PATJ: variants seen among roughly 807,000 people sequenced by gnomAD.
PATJ encodes the protein PATJ crumbs cell polarity complex component.
A neutral mutation model predicts 224.9 loss-of-function variants in PATJ; 190 were observed. That is an observed-to-expected ratio of 0.84 (90% CI 0.75 to 0.95). The LOEUF (loss-of-function observed/expected upper bound fraction) is 0.95. Among genes scored for constraint, PATJ ranks in the 40% least tolerant of loss-of-function variants. PATJ has a pLI of 0.00. For missense variants in PATJ, 2,121 were observed against 2,270.3 expected (o/e 0.93, Z 1.34); for synonymous variants, 769 against 820.3 (o/e 0.94, Z 1.07).
chr1:62,067,574 T>C (rs1020099180), intron 31 of PATJ, among the ~76,000 whole-genome samples: 1 of 152,208 alleles, frequency 6.6e-6, no homozygotes, highest in Non-Finnish European at 1.5e-5. Context: ...AGAGTTACTA[T>C]GGCCTACATG....
chr1:62,058,637 T>C (rs747815639), intron 31 of PATJ, among the ~76,000 whole-genome samples: 1 of 152,230 alleles, frequency 6.6e-6, no homozygotes, highest in Non-Finnish European at 1.5e-5. Flanking sequence ...GTGAAATTTC[T>C]GACACAGCAC....
At chr1:62,037,501 A>G (rs192231383) in intron 29 of PATJ, among the ~76,000 whole-genome samples, 15 of 152,248 alleles carry the variant, frequency 9.9e-5, no homozygotes, top group African/African-American at 3.6e-4. Context: ...TTGCAGCCCT[A>G]TTGTAGACAC....
chr1:61,782,687 A>G (rs1290927332), intron 7 of PATJ, among the ~76,000 whole-genome samples: 1 of 152,216 alleles, frequency 6.6e-6, no homozygotes. Flanking sequence ...TTAAAAGGGT[A>G]GCTAAAAGGC....
chr1:62,097,430 A>G (rs1450989134), intron 33 of PATJ, among the ~76,000 whole-genome samples: 1 of 152,226 alleles, frequency 6.6e-6, no homozygotes, highest in Admixed American at 6.5e-5. Context: ...CTTGGTCTCA[A>G]GAGGCCTTGC....
intron 43 of PATJ, among the ~76,000 whole-genome samples, chr1:62,156,791 C>T (rs1373003311): frequency 6.6e-6 from 1 of 151,374 alleles, no homozygotes; most frequent in Non-Finnish European, 1.5e-5. Context: ...TGGCACACAT[C>T]TGTGGTCCCA....
At chr1:61,792,820 G>A (rs1406570090) in intron 9 of PATJ, among the ~76,000 whole-genome samples, 2 of 152,116 alleles carry the variant, frequency 1.3e-5, no homozygotes, top group East Asian at 1.9e-4. Context: ...ATGAGCCACC[G>A]TGCCTGACCC....
intron 27 of PATJ, among the ~76,000 whole-genome samples, chr1:61,936,000 TA>T (rs959318696): frequency 4.0e-5 from 6 of 151,780 alleles, no homozygotes; most frequent in African/African-American, 1.2e-4. Context: ...GGGATAACTT[TA>T]AAAAAAATAA....
chr1:61,864,541 G>C lies in PATJ; in HGVS notation c.2743G>C (p.Asp915His). ...ELHFGTQWLHDNEPSESQEAR... is the reference protein window; with the variant it reads ...ELHFGTQWLHHNEPSESQEAR... ...TCACTTTGGTACACAGTGGTTGCATGATAATGAACCATCCGAGTCTCAAGA... is the reference window on the plus strand; with the variant it reads ...TCACTTTGGTACACAGTGGTTGCATCATAATGAACCATCCGAGTCTCAAGA... The change falls in exon 20 of 44, where the codon GAT (aspartate) becomes CAT (histidine). Residue 915 changes from aspartate to histidine, a missense_variant. By Grantham distance (81) the Asp-to-His change is moderately conservative. Transcript: ENST00000642238. 1 of 1,613,484 alleles carries C rather than the reference G, an allele frequency of 6.2e-7. No individual in the cohort carries two copies. Among genetic ancestry groups the C allele is most frequent in the Non-Finnish European group, 8.5e-7 (1 of 1,179,724 alleles).
At position 62,086,295 on chromosome 1, in the gene PATJ, CA is replaced by C. The variant is rs1659973161; in HGVS notation, c.4377+1651del. On this transcript the variant is annotated intron_variant, in intron 33 of 43. Coordinates refer to ENST00000642238, the MANE Select transcript of PATJ (RefSeq NM_001350145.3). This position sits in a 1 kb window ranked among gnomAD's most constrained non-coding sequence, Gnocchi z 4.0. ...CATATTATACAAAGTTAAATTGATA[CA>C]AAAGGAAAATTGTGTGTGTGTGTAT... is the stretch of plus-strand genomic sequence containing the variant. 6.7e-6 allele frequency among the ~76,000 whole-genome samples: 1 copy of C among 148,662 alleles called. No homozygotes were observed. Among genetic ancestry groups the C allele is most frequent in the African/African-American group, 2.6e-5 (1 of 39,154 alleles).
intron 15 of PATJ, among the ~76,000 whole-genome samples, chr1:61,824,356 C>T (rs1375051982): frequency 1.3e-5 from 2 of 150,618 alleles, no homozygotes; most frequent in South Asian, 2.1e-4. Context: ...TGAGCCACTG[C>T]ACCCGGTCCA....
Position 61,765,223 on chromosome 1 carries a change from T to G in PATJ, c.190-1056T>G, listed in dbSNP as rs1052433356. ...CCAAGTAGCTGGGCCTACAGGCATG[T>G]GACACCATGCCCAGCTAATTTTTGT... On this transcript the variant is annotated intron_variant, in intron 3 of 43. Coordinates refer to ENST00000642238, the MANE Select transcript of PATJ (RefSeq NM_001350145.3). 2.6e-5 allele frequency among the ~76,000 whole-genome samples: 4 copies of G among 151,406 alleles called. No individual in the cohort carries two copies. The Admixed American group carries it at 2.6e-4, about 10-fold the overall frequency.
At chr1:62,057,853 A>G (rs1038068789) in intron 31 of PATJ, among the ~76,000 whole-genome samples, 11 of 152,326 alleles carry the variant, frequency 7.2e-5, no homozygotes, top group Non-Finnish European at 1.6e-4. Flanking sequence ...GCCCAAGAGA[A>G]CTGTGTTAGA....
chr1:62,085,734 A>AC (rs1294009772), intron 33 of PATJ, among the ~76,000 whole-genome samples: 1 of 150,824 alleles, frequency 6.6e-6, no homozygotes, highest in Non-Finnish European at 1.5e-5. Context: ...AAGGAGGATC[A>AC]CTTGAGCCCA....
intron 17 of PATJ, among the ~76,000 whole-genome samples, chr1:61,855,148 T>G (rs1663448198): frequency 6.6e-6 from 1 of 152,118 alleles, no homozygotes; most frequent in African/African-American, 2.4e-5. Flanking sequence ...TATGATTACG[T>G]TCATGCTTTT....
chr1:61,913,779 C>T (rs1673035195), intron 25 of PATJ, among the ~76,000 whole-genome samples: 1 of 152,110 alleles, frequency 6.6e-6, no homozygotes. Context: ...ATTGAGTACA[C>T]ACAGTGTGGG....
chr1:61,851,784 G>C (rs1017773403), intron 17 of PATJ, among the ~76,000 whole-genome samples: 2 of 152,046 alleles, frequency 1.3e-5, no homozygotes, highest in African/African-American at 4.8e-5. Flanking sequence ...CTGAACCAAG[G>C]CTGTGGCAGT....
At chr1:61,844,278 TAA>T (rs1393946781) in intron 17 of PATJ, among the ~76,000 whole-genome samples, 1 of 152,242 alleles carries the variant, frequency 6.6e-6, no homozygotes, top group Non-Finnish European at 1.5e-5. Context: ...CCAGAATTAA[TAA>T]GTTAGTCCTG....
In PATJ at chr1:61,805,507, C is replaced by T; in HGVS notation, c.1609C>T (p.Pro537Ser). 1 of 1,597,734 alleles carries T rather than the reference C, an allele frequency of 6.3e-7. No homozygotes were observed. The highest frequency in any genetic ancestry group is 1.3e-5 in the African/African-American group (1 of 74,650). ...LKSRWENLLG[P>S]DYEVMVATLD... ...ATCCAGATGGGAAAACCTGTTGGGT[C>T]CTGATTATGAAGTAATGGTATGTTA... The change falls in exon 13 of 44, where the codon CCT becomes TCT. Residue 537 changes from proline (P) to serine (S), a missense_variant. By Grantham distance (74) the Pro-to-Ser change is moderately conservative. Transcript: ENST00000642238.
At chr1:61,938,854 G>A (rs368054896) in intron 27 of PATJ, among the ~76,000 whole-genome samples, 9 of 151,658 alleles carry the variant, frequency 5.9e-5, no homozygotes, top group Non-Finnish European at 1.0e-4. Flanking sequence ...ATAAATGATC[G>A]ACTGTGTACT....
Sources: gnomAD v4.1 joint callset for allele counts (sites outside exome capture counted in the v4.1 genomes callset) on GRCh38, gnomAD v4.1.1 for gene constraint, Gnocchi (gnomAD v3.1) non-coding constraint, MANE v1.5 for transcripts, NCBI Gene and HGNC (gene_info 2026-07-23, HGNC 2026-07-21) for gene names.